The following PTBP1 variants were observed in gnomAD, a reference collection of about 807,000 sequenced individuals.
PTBP1 encodes polypyrimidine tract binding protein 1.
In PTBP1, 8 loss-of-function variants were observed where a neutral mutation model predicts 59.8. That is an observed-to-expected ratio of 0.13 (90% CI 0.08 to 0.24). The LOEUF (loss-of-function observed/expected upper bound fraction) is 0.24, where lower values mean the gene tolerates loss of function less well. Among genes scored for constraint, PTBP1 ranks in the 10% least tolerant of loss-of-function variants. The probability of loss-of-function intolerance (pLI) is 1.00; values close to 1 mark genes in which losing one functional copy is unlikely to be tolerated. For missense variants in PTBP1, 686 were observed against 767.0 expected, an observed-to-expected ratio of 0.89 and a Z score of 1.25; for synonymous variants, 490 against 320.7, an observed-to-expected ratio of 1.53 and a Z score of -5.64.
intron 1 of PTBP1, 81 bp from the exon 2 acceptor site, chr19:799,332 C>G (rs2034226047): frequency 7.4e-7 from 1 of 1,356,892 alleles, no homozygotes; most frequent in African/African-American, 1.4e-5. Context: ...CCTACGGGCT[C>G]TCCTGGCCCG....
intron 5 of PTBP1, 31 bp from the exon 6 acceptor site, chr19:804,501 G>T: frequency 6.3e-7 from 1 of 1,595,018 alleles, no homozygotes; most frequent in Non-Finnish European, 8.5e-7. Flanking sequence ...CAGCCGCAGG[G>T]GCCGGGGACT....
intron 9 of PTBP1, 71 bp from the exon 10 acceptor site, chr19:806,337 G>C (rs1396316347): frequency 1.4e-6 from 2 of 1,478,194 alleles, no homozygotes; most frequent in South Asian, 1.3e-5. Context: ...TGAGGACGGG[G>C]AGCGTCGGCC....
At position 805,201 on chromosome 19, in the gene PTBP1, C is replaced by G. The variant is rs140521596; in HGVS notation, c.892+14C>G. On this transcript the variant is annotated intron_variant, in intron 8 of 14. Coordinates refer to ENST00000356948, the MANE Select transcript of PTBP1 (RefSeq NM_002819.5). ...CCGCGGCCTTCGGTAAGAGGCTGCC[C>G]GACGCGGCGCCAGTGTGCAGAGTGG... is the stretch of plus-strand genomic sequence containing the variant. 11 of 1,612,070 alleles carry G rather than the reference C, an allele frequency of 6.8e-6. No individual in the cohort carries two copies. Among genetic ancestry groups the G allele is most frequent in the Non-Finnish European group, 9.3e-6 (11 of 1,179,214 alleles).
At position 810,649 on chromosome 19, in the gene PTBP1, C is replaced by T. The variant is rs2034819940; in HGVS notation, c.1541+29C>T. 3.1e-6 allele frequency: 5 copies of T among 1,612,064 alleles called. No individual in the cohort carries two copies. In the East Asian group the frequency reaches 6.7e-5, roughly 22 times the overall value. ...AGTATGAGGCGGGCTGTCCCTGGCT[C>T]TCCCCAGGCTGCCCTGCGGCCGGCC... is the stretch of plus-strand genomic sequence containing the variant. On this transcript the variant is annotated intron_variant, in intron 14 of 14. Transcript: ENST00000356948.
At chr19:799,933 GTTTTTTA>G (rs1292534070) in intron 2 of PTBP1, among the ~76,000 whole-genome samples, 1 of 151,648 alleles carries the variant, frequency 6.6e-6, no homozygotes, top group Admixed American at 6.6e-5. Flanking sequence ...TTTTGTTTTT[GTTTTTTA>G]TTTTTGAGAT....
intron 2 of PTBP1, among the ~76,000 whole-genome samples, chr19:802,118 T>C (rs2145033934): frequency 6.6e-6 from 1 of 152,166 alleles, no homozygotes; most frequent in Middle Eastern, 3.4e-3. Flanking sequence ...CTTGTGGGAT[T>C]GGTGGGAGAC....
At chr19:798,584 T>C (rs1195627494) in intron 1 of PTBP1, 1 of 152,216 alleles carries the variant, frequency 6.6e-6, no homozygotes, top group Non-Finnish European at 1.5e-5. Context: ...CTCCCCGCTC[T>C]CGGACCCAGC....
In PTBP1 at chr19:811,685, GGGTCAGGCACAGGGAGCCCC is replaced by G. The variant is rs2145047960; in HGVS notation, c.*864_*883del. 6.6e-6 allele frequency: 1 copy of G among 152,536 alleles called. No homozygotes were observed. Among genetic ancestry groups the G allele is most frequent in the Non-Finnish European group, 1.5e-5 (1 of 68,042 alleles). 9.4% of individuals were successfully genotyped at this position (152,536 alleles called of 1,614,324 possible). On this transcript the variant is annotated 3_prime_UTR_variant, in exon 15 of 15. Transcript: ENST00000356948. The stretch of plus-strand genomic sequence containing the variant: ...CAGAGAGCAGGCGGGGCCGCCCAGT[GGGTCAGGCACAGGGAGCCCC>G]GGTCCTATCTTAGAGCCCCTGAGCT...
rs1192731500 is a variant in PTBP1 at position 805,437 on chromosome 19, G to A, written c.893-55G>A. The A allele has an allele frequency of 7.2e-6, 11 of 1,524,706 alleles. No individual in the cohort carries two copies. The East Asian group carries it at 1.4e-4, about 19-fold the overall frequency. The allele number at this position is 1,524,706 out of a possible 1,614,324, so 94.4% of individuals were successfully genotyped here. On this transcript the variant is annotated intron_variant, in intron 8 of 14. Transcript: ENST00000356948. The stretch of plus-strand genomic sequence containing the variant: ...GTTGGGGCCCATCCCGCAGCACAGC[G>A]CCCGCTCGCGGTGGAGGTTGTGGGT...
intron 1 of PTBP1, among the ~76,000 whole-genome samples, chr19:799,175 G>C (rs895972526): frequency 6.6e-6 from 1 of 152,250 alleles, no homozygotes; most frequent in African/African-American, 2.4e-5. Context: ...CTGGGGTCCT[G>C]CTGGGAGGGA....
In PTBP1 at chr19:805,563, G is replaced by A. The variant is rs1406023293; in HGVS notation, c.964G>A (p.Ala322Thr). ...GFPPTFAIPQ[A>T]AGLSVPNVHG... Reference sequence around the variant, plus strand: ...CCCTCCCACCTTTGCCATTCCTCAAGCTGCAGGTATTCAAACGCTTGGTCT... The same window carrying A: ...CCCTCCCACCTTTGCCATTCCTCAAACTGCAGGTATTCAAACGCTTGGTCT... The change falls in exon 9 of 15, where the codon GCT becomes ACT. Residue 322 changes from alanine to threonine, a missense_variant. Transcript: ENST00000356948. 6.2e-7 allele frequency: 1 copy of A among 1,613,482 alleles called. No individual in the cohort carries two copies. The highest frequency in any genetic ancestry group is 1.7e-5 in the Admixed American group (1 of 60,020).
Position 801,845 on chromosome 19 carries a change from C to T in PTBP1, c.40-1716C>T, listed in dbSNP as rs1599221887. On this transcript the variant is annotated intron_variant, in intron 2 of 14. Transcript: ENST00000356948. ...CTCTGACCCCTTTCCCCTGGGCCTG[C>T]GCAGCCCCGCCTTGTGCTCATAGGG... is the stretch of plus-strand genomic sequence containing the variant. 1.3e-5 allele frequency among the ~76,000 whole-genome samples: 2 copies of T among 152,172 alleles called. 1 individual carries two copies. The highest frequency in any genetic ancestry group is 4.1e-4 in the South Asian group (2 of 4,826).
rs754755210 is a variant in PTBP1 at position 802,625 on chromosome 19, G to A, written c.40-936G>A. Among the ~76,000 whole-genome samples, 5 of 152,306 alleles carry A rather than the reference G, an allele frequency of 3.3e-5. No individual in the cohort carries two copies. In the South Asian group the frequency reaches 8.3e-4, roughly 25 times the overall value. On this transcript the variant is annotated intron_variant, in intron 2 of 14. Coordinates refer to ENST00000356948, the MANE Select transcript of PTBP1 (RefSeq NM_002819.5). ...GGGCCTGGGCGTTGCTGCCCTCAGC[G>A]CCTGCAGAGGCTCGCTTTGCAGACC...
At chr19:801,400 C>T (rs548675417) in intron 2 of PTBP1, among the ~76,000 whole-genome samples, 6 of 152,366 alleles carry the variant, frequency 3.9e-5, no homozygotes, top group Admixed American at 6.5e-5. Context: ...AGTTTGCTGC[C>T]GCAGACAGTT....
Position 807,861 on chromosome 19 carries a change from C to G in PTBP1, c.1120-8C>G, listed in dbSNP as rs750159061. The G allele has an allele frequency of 1.2e-6, 2 of 1,613,464 alleles. No individual in the cohort carries two copies. Among genetic ancestry groups the G allele is most frequent in the Non-Finnish European group, 8.5e-7 (1 of 1,179,446 alleles). The stretch of plus-strand genomic sequence containing the variant: ...TCCCTCCGCTGCCTTGCTCTGCTGT[C>G]TCTAAAGAGAGTCACACCCCAAAGC... On this transcript the variant is annotated splice_region_variant and splice_polypyrimidine_tract_variant and intron_variant, in intron 10 of 14. Transcript: ENST00000356948.
chr19:809,010 A>G (rs2034720194), intron 13 of PTBP1, among the ~76,000 whole-genome samples: 1 of 152,048 alleles, frequency 6.6e-6, no homozygotes, highest in East Asian at 1.9e-4. Context: ...GCACACATTT[A>G]TTTATTTATA....
chr19:807,962 C>T (rs898695694), intron 11 of PTBP1, 60 bp downstream of exon 11: 11 of 1,457,712 alleles, frequency 7.5e-6, no homozygotes, highest in Non-Finnish European at 1.1e-5. Flanking sequence ...ATTTTGATGC[C>T]CTGAGACGTA....
At chr19:809,231 T>G (rs62131356) in intron 13 of PTBP1, among the ~76,000 whole-genome samples, 1 of 152,076 alleles carries the variant, frequency 6.6e-6, no homozygotes, top group African/African-American at 2.4e-5. Flanking sequence ...CTGATCTTGA[T>G]CTCCTGACCT....
At position 806,469 on chromosome 19, in the gene PTBP1, G is replaced by GGCA. The variant is rs777525049; in HGVS notation, c.1035_1037dup (p.Ala349dup). On this transcript the variant is annotated inframe_insertion, in exon 10 of 15. Transcript: ENST00000356948. ...CCCTGGCCATCCCCTCGGCGGCGGC[G>GGCA]GCAGCTGCGGCGGCAGGTCGGATCG... is the stretch of plus-strand genomic sequence containing the variant. 4 of 1,592,742 alleles carry GGCA rather than the reference G, an allele frequency of 2.5e-6. No homozygotes were observed. Among genetic ancestry groups the GGCA allele is most frequent in the South Asian group, 1.1e-5 (1 of 89,868 alleles).
Sources: allele counts gnomAD v4.1 joint callset (sites outside exome capture counted in the v4.1 genomes callset), GRCh38; gene constraint gnomAD v4.1.1; transcripts MANE v1.5; gene names NCBI Gene and HGNC (gene_info 2026-07-23, HGNC 2026-07-21).